CACNA1H: variants seen among roughly 807,000 people sequenced by gnomAD.
CACNA1H encodes the protein voltage-dependent T-type calcium channel subunit alpha-1H.
In CACNA1H, 149 loss-of-function variants were observed where a neutral mutation model predicts 192.5. The ratio of observed to expected loss-of-function variants is 0.77; its 90% CI spans 0.68 to 0.89. The LOEUF (loss-of-function observed/expected upper bound fraction) is 0.89, where lower values mean the gene tolerates loss of function less well. Among genes scored for constraint, CACNA1H ranks in the 40% least tolerant of loss-of-function variants. The pLI is 0.00. For synonymous variants in CACNA1H, 2,202 were observed against 1,475.2 expected (o/e 1.49, Z -11.29); for missense variants, 4,257 against 3,423.5 (o/e 1.24, Z -6.08).
Position 1,207,416 on chromosome 16 carries a change from G to T in CACNA1H, c.3049G>T (p.Gly1017Cys). The T allele has an allele frequency of 6.2e-7, 1 of 1,613,076 alleles. No individual in the cohort carries two copies. Among genetic ancestry groups the T allele is most frequent in the Non-Finnish European group, 8.5e-7 (1 of 1,179,800 alleles). The change falls in exon 14 of 35, where the codon GGC becomes TGC. Residue 1017 changes from glycine to cysteine, a missense_variant. By Grantham distance (159) the Gly-to-Cys change is radical. Coordinates refer to ENST00000348261, the MANE Select transcript of CACNA1H (RefSeq NM_021098.3). ...FNLLVAILVE[G>C]FQAEGDANRS... The stretch of plus-strand genomic sequence containing the variant: ...CCTGCTGGTGGCCATCCTCGTGGAG[G>T]GCTTCCAGGCGGAGGTGAGGGGGCA...
intron 2 of CACNA1H, among the ~76,000 whole-genome samples, chr16:1,161,755 G>A (rs1963223030): frequency 6.6e-6 from 1 of 152,156 alleles, no homozygotes; most frequent in Admixed American, 6.5e-5. Context: ...GGTGGCCAGT[G>A]CGGCGGCTGA....
In CACNA1H at chr16:1,198,635, C is replaced by G; in HGVS notation, c.664C>G (p.Leu222Val). ...RVPSMRILVT[L>V]LLDTLPMLGN... is the part of the protein sequence containing the mutation. ...CACAGGCATGCGGATCCTGGTCACTCTGCTGCTGGATACGCTGCCCATGCT... is the reference window on the plus strand; with the variant it reads ...CACAGGCATGCGGATCCTGGTCACTGTGCTGCTGGATACGCTGCCCATGCT... Residue 222 changes from leucine to valine, a missense_variant, in exon 6 of 35, where the codon CTG becomes GTG. By Grantham distance (32) the Leu-to-Val change is conservative (BLOSUM62 1). Coordinates refer to ENST00000348261, the MANE Select transcript of CACNA1H (RefSeq NM_021098.3). 3 of 1,613,298 alleles carry G rather than the reference C, an allele frequency of 1.9e-6. No individual in the cohort carries two copies. The South Asian group carries it at 3.3e-5, about 18-fold the overall frequency.
intron 2 of CACNA1H, among the ~76,000 whole-genome samples, chr16:1,186,383 C>T (rs1241971932): frequency 6.6e-6 from 1 of 152,074 alleles, no homozygotes; most frequent in Non-Finnish European, 1.5e-5. Flanking sequence ...CTGGACGTTT[C>T]GCTTTCGTAA....
At chr16:1,219,325 G>C (rs1010480430) in intron 34 of CACNA1H, among the ~76,000 whole-genome samples, 195 bp downstream of exon 34, 1 of 152,238 alleles carries the variant, frequency 6.6e-6, no homozygotes, top group African/African-American at 2.4e-5. Context: ...CTTCAGGCCT[G>C]TGAGCCTGTG....
chr16:1,154,070 GGGGGCGT>G (rs1248699153), intron 2 of CACNA1H, 34 bp downstream of exon 2: 2 of 834,178 alleles, frequency 2.4e-6, no homozygotes, highest in African/African-American at 4.6e-5. Context: ...GCGGGGGGCG[GGGGGCGT>G]GGGGAGGGTG....
At chr16:1,212,873 G>A (rs72775447) in intron 26 of CACNA1H, among the ~76,000 whole-genome samples, 6 of 152,176 alleles carry the variant, frequency 3.9e-5, no homozygotes, top group Admixed American at 3.9e-4. Context: ...TGCCCGGGCT[G>A]CGCTGAGTGC....
At chr16:1,195,841 C>A (rs1017986326) in intron 4 of CACNA1H, 85 bp from the exon 5 acceptor site, 6 of 1,110,898 alleles carry the variant, frequency 5.4e-6, no homozygotes, top group South Asian at 1.2e-5. Context: ...CGGTTCTATG[C>A]CTGCCCACCC....
At chr16:1,190,381 G>T (rs2151805851) in intron 2 of CACNA1H, among the ~76,000 whole-genome samples, 1 of 152,366 alleles carries the variant, frequency 6.6e-6, no homozygotes, top group Non-Finnish European at 1.5e-5. Context: ...GGCAGACACT[G>T]CCTGTCCTCA....
rs1962086867 is a variant in CACNA1H, at chr16:1,154,813, A to G, written c.299+777A>G. ...ACAGAGTTGGGTCAGGGCCAGGGGC[A>G]TTTGTGGGATGTACACGGAGGTCCA... On this transcript the variant is annotated intron_variant, in intron 2 of 34. Coordinates refer to ENST00000348261, the MANE Select transcript of CACNA1H (RefSeq NM_021098.3). 3.3e-5 allele frequency among the ~76,000 whole-genome samples: 5 copies of G among 152,206 alleles called. No individual in the cohort carries two copies. The South Asian group carries it at 1.0e-3, about 32-fold the overall frequency.
chr16:1,185,791 A>G (rs1279559444), intron 2 of CACNA1H, among the ~76,000 whole-genome samples: 2 of 9,468 alleles, frequency 2.1e-4, no homozygotes, highest in Non-Finnish European at 3.4e-4. Flanking sequence ...CGGGGTGTGT[A>G]TGGGGCGGGT....
chr16:1,182,498 G>A (rs759684379), intron 2 of CACNA1H, among the ~76,000 whole-genome samples: 20 of 152,112 alleles, frequency 1.3e-4, no homozygotes, highest in Non-Finnish European at 2.1e-4. Flanking sequence ...GACCCGCGGC[G>A]CCGGCTGGAG....
At chr16:1,199,238 G>A (rs12934391) in intron 6 of CACNA1H, among the ~76,000 whole-genome samples, 6 of 16,054 alleles carry the variant, frequency 3.7e-4, no homozygotes, top group East Asian at 3.3e-3. Flanking sequence ...TCATGGCTCC[G>A]CCCACCGTGC....
At position 1,211,492 on chromosome 16, in the gene CACNA1H, G is replaced by A. The variant is rs1360673544; in HGVS notation, c.4362G>A (p.Gly1454=). 6.2e-7 allele frequency: 1 copy of A among 1,612,472 alleles called. No homozygotes were observed. Among genetic ancestry groups the A allele is most frequent in the South Asian group, 1.1e-5 (1 of 91,078 alleles). ...TCGCACCCCGTCAGCTCTTCAAAGG[G>A]AAGTTCTACTACTGCGAGGGCCCCG... ...FGILGVQLFK[G]KFYYCEGPDT... is the part of the protein sequence containing the mutation. The change falls in exon 23 of 35, where the codon GGG becomes GGA. Residue 1454 remains glycine (G), a synonymous_variant. Coordinates refer to ENST00000348261, the MANE Select transcript of CACNA1H (RefSeq NM_021098.3).
chr16:1,200,177 C>A, intron 6 of CACNA1H, 79 bp from the exon 7 acceptor site: 1 of 1,195,046 alleles, frequency 8.4e-7, no homozygotes, highest in Non-Finnish European at 1.2e-6. Flanking sequence ...GATCACGTCC[C>A]TGATCACAAT....
intron 8 of CACNA1H, among the ~76,000 whole-genome samples, chr16:1,201,292 G>A (rs533590154): frequency 1.2e-4 from 18 of 152,302 alleles, no homozygotes; most frequent in African/African-American, 4.3e-4. Flanking sequence ...AACGATTAGA[G>A]ACTTGCTGCA....
chr16:1,203,000 G>A (rs1968171079), intron 9 of CACNA1H, among the ~76,000 whole-genome samples: 1 of 151,978 alleles, frequency 6.6e-6, no homozygotes, highest in Non-Finnish European at 1.5e-5. Context: ...AGGGCCCCCA[G>A]ATGGTAGGGT....
chr16:1,181,149 TCCC>T (rs1336378422), intron 2 of CACNA1H, among the ~76,000 whole-genome samples: 1 of 152,198 alleles, frequency 6.6e-6, no homozygotes, highest in Non-Finnish European at 1.5e-5. Flanking sequence ...GCGGCCGTCT[TCCC>T]CAAGGTCCCC....
chr16:1,161,840 C>A (rs560924144), intron 2 of CACNA1H, among the ~76,000 whole-genome samples: 1 of 152,218 alleles, frequency 6.6e-6, no homozygotes, highest in Admixed American at 6.5e-5. Context: ...CCTCCTGGGT[C>A]CCCTTGCCGC....
chr16:1,170,611 G>C (rs75706354), intron 2 of CACNA1H, among the ~76,000 whole-genome samples: 3,241 of 152,298 alleles, frequency 0.021, 107 homozygotes, highest in African/African-American at 0.074. Context: ...CCCTGCATGA[G>C]TGATCTGTGG....
Sources: allele counts gnomAD v4.1 joint callset (sites outside exome capture counted in the v4.1 genomes callset), GRCh38; gene constraint gnomAD v4.1.1; transcripts MANE v1.5; gene names NCBI Gene and HGNC (gene_info 2026-07-23, HGNC 2026-07-21).